Variants in ZCCHC14 observed in about 807,000 individuals in gnomAD.
ZCCHC14 encodes zinc finger CCHC domain-containing protein 14.
In ZCCHC14, 16 loss-of-function variants were observed where a neutral mutation model predicts 85.0. That is an observed-to-expected ratio of 0.19 (90% confidence interval 0.13 to 0.29). The LOEUF (loss-of-function observed/expected upper bound fraction) is 0.29. Among genes scored for constraint, ZCCHC14 ranks in the 10% least tolerant of loss-of-function variants. ZCCHC14 has a pLI of 1.00. For missense variants in ZCCHC14, 1,303 were observed against 1,443.5 expected (o/e 0.90, Z 1.58); for synonymous variants, 775 against 630.7 (o/e 1.23, Z -3.43).
rs368385103 is a variant in ZCCHC14, at chr16:87,414,444, C to G, written c.1573G>C (p.Val525Leu). The G allele has an allele frequency of 1.2e-6, 2 of 1,613,466 alleles. No individual in the cohort carries two copies. Among genetic ancestry groups the G allele is most frequent in the South Asian group, 1.1e-5 (1 of 91,080 alleles). Residue 525 changes from valine to leucine, a missense_variant, in exon 10 of 13, where the codon GTG becomes CTG. By Grantham distance (32) the Val-to-Leu change is conservative. Transcript: ENST00000671377. ...GCATGGCTGCCCCGCCCCGACTGCA[C>G]GGGCCCGACGTGGCTGGTGGGGGGC... ...RVPPTSHVGPVQSGRGSHAAE... is the reference protein window; with the variant it reads ...RVPPTSHVGPLQSGRGSHAAE...
chr16:87,430,420 T>A (rs1399942854), intron 3 of ZCCHC14, among the ~76,000 whole-genome samples: 1 of 152,212 alleles, frequency 6.6e-6, no homozygotes, highest in East Asian at 1.9e-4. Flanking sequence ...GATCCTGCTG[T>A]TCGAGAAGGC....
intron 2 of ZCCHC14, 47 bp downstream of exon 2, chr16:87,459,961 A>G (rs1911174189): frequency 6.2e-7 from 1 of 1,612,894 alleles, no homozygotes; most frequent in Admixed American, 1.7e-5. Context: ...GGGTGTGCCC[A>G]TCCTCCGTCC....
At chr16:87,487,116 C>T (rs1474460353) in intron 1 of ZCCHC14, among the ~76,000 whole-genome samples, 1 of 152,190 alleles carries the variant, frequency 6.6e-6, no homozygotes, top group African/African-American at 2.4e-5. Flanking sequence ...TTTGGACAGA[C>T]ATTTTCAGCA....
rs763627366 is a variant in ZCCHC14 at position 87,411,781 on chromosome 16, G to A, written c.2940C>T (p.Gly980=). ...CGTGCACGACGGGGAAGGTGGAGCCGCCGCCGTACTGCTGGGCGCTGACGT... is the reference window on the plus strand; with the variant it reads ...CGTGCACGACGGGGAAGGTGGAGCCACCGCCGTACTGCTGGGCGCTGACGT... The part of the protein sequence containing the change: ...SGYVSAQQYG[G]GSTFPVVHAP... The change falls in exon 12 of 13, where the codon GGC becomes GGT. Residue 980 remains glycine, a synonymous_variant. Transcript: ENST00000671377. 140 of 1,610,616 alleles carry A rather than the reference G, an allele frequency of 8.7e-5. No individual in the cohort carries two copies. Among genetic ancestry groups the A allele is most frequent in the Non-Finnish European group, 1.1e-4 (133 of 1,178,544 alleles).
At position 87,412,794 on chromosome 16, in the gene ZCCHC14, G is replaced by A. The variant is rs150036551; in HGVS notation, c.1927C>T (p.Pro643Ser). 4.6e-4 allele frequency: 742 copies of A among 1,613,210 alleles called. No homozygotes were observed. Among genetic ancestry groups the A allele is most frequent in the Non-Finnish European group, 6.1e-4 (717 of 1,179,530 alleles). ...TGCACGGAATTCAGCATGCGGATGGGTGTGATGTGTGAGGCTGCGCTCAGC... is the reference window on the plus strand; with the variant it reads ...TGCACGGAATTCAGCATGCGGATGGATGTGATGTGTGAGGCTGCGCTCAGC... ...QMLSAASHIT[P>S]IRMLNSVHKP... Residue 643 changes from proline (P) to serine (S), a missense_variant, in exon 12 of 13, where the codon CCC becomes TCC. Physicochemically the swap from Pro to Ser is moderately conservative, Grantham distance 74. Around this residue, in one of 7 missense-constraint regions of ZCCHC14, gnomAD observed 797 missense variants for 730.8 expected, o/e 1.09. Coordinates refer to ENST00000671377, the MANE Select transcript of ZCCHC14 (RefSeq NM_015144.3).
At chr16:87,481,089 T>C (rs984529542) in intron 1 of ZCCHC14, among the ~76,000 whole-genome samples, 1 of 152,044 alleles carries the variant, frequency 6.6e-6, no homozygotes, top group African/African-American at 2.4e-5. Flanking sequence ...AGGGGGCCAG[T>C]GACACCAGAG....
Position 87,492,794 on chromosome 16 carries a change from G to T in ZCCHC14, c.-556C>A, listed in dbSNP as rs1008068986. The T allele has an allele frequency of 6.1e-5, 9 of 147,472 alleles. No homozygotes were observed. Among genetic ancestry groups the T allele is most frequent in the South Asian group, 1.9e-4 (1 of 5,132 alleles). The allele number at this position is 147,472 out of a possible 1,614,324, so 9.1% of individuals were successfully genotyped here. ...CCGCCTGGGGAGCGCTGGGGGCCGC[G>T]GCCGCGAAACGGACGCTGGAGGGGG... On this transcript the variant is annotated 5_prime_UTR_variant, in exon 1 of 13. Coordinates refer to ENST00000671377, the MANE Select transcript of ZCCHC14 (RefSeq NM_015144.3). This position sits in a 1 kb window ranked among gnomAD's most constrained non-coding sequence, Gnocchi z 6.7.
chr16:87,466,220 C>T (rs1161358231), intron 1 of ZCCHC14, among the ~76,000 whole-genome samples: 1 of 152,194 alleles, frequency 6.6e-6, no homozygotes, highest in Non-Finnish European at 1.5e-5. Context: ...GTGCTTACAA[C>T]CCACTTTAAT....
intron 12 of ZCCHC14, among the ~76,000 whole-genome samples, chr16:87,410,636 T>G (rs1486548601): frequency 6.6e-6 from 1 of 152,236 alleles, no homozygotes; most frequent in Non-Finnish European, 1.5e-5. Flanking sequence ...ATGCGTCCTT[T>G]CACTGGGTGA....
At chr16:87,465,896 G>A (rs1911497014) in intron 1 of ZCCHC14, among the ~76,000 whole-genome samples, 2 of 152,118 alleles carry the variant, frequency 1.3e-5, no homozygotes. Flanking sequence ...AAACTCCTGG[G>A]CTCAAGCCAT....
intron 1 of ZCCHC14, among the ~76,000 whole-genome samples, chr16:87,462,417 C>T (rs2150761156): frequency 6.6e-6 from 1 of 152,286 alleles, no homozygotes; most frequent in Non-Finnish European, 1.5e-5. Flanking sequence ...TGCAAGACAA[C>T]TCAGGAGGTT....
chr16:87,425,411 T>A (rs1909318292), intron 3 of ZCCHC14, among the ~76,000 whole-genome samples: 1 of 151,960 alleles, frequency 6.6e-6, no homozygotes, highest in African/African-American at 2.4e-5. Flanking sequence ...ACCCCGTCTC[T>A]ACTAAAAATA....
chr16:87,475,672 T>A (rs1487510417), intron 1 of ZCCHC14, among the ~76,000 whole-genome samples: 1 of 150,802 alleles, frequency 6.6e-6, no homozygotes, highest in Admixed American at 6.6e-5. Context: ...ACTCAGTGAA[T>A]CTGAAGATGG....
intron 3 of ZCCHC14, among the ~76,000 whole-genome samples, chr16:87,432,835 G>A (rs372326949): frequency 6.6e-6 from 1 of 152,192 alleles, no homozygotes; most frequent in South Asian, 2.1e-4. Flanking sequence ...CTGCTCCGCA[G>A]GCTGCCTCAT....
At chr16:87,433,086 C>T (rs1258915451) in intron 3 of ZCCHC14, 42 bp downstream of exon 3, 19 of 1,596,276 alleles carry the variant, frequency 1.2e-5, no homozygotes, top group Non-Finnish European at 1.5e-5. Flanking sequence ...TGTTTTCTTC[C>T]TAGCCTTCCA....
intron 8 of ZCCHC14, among the ~76,000 whole-genome samples, chr16:87,417,052 G>A (rs1479609742): frequency 1.3e-5 from 2 of 152,090 alleles, no homozygotes; most frequent in Middle Eastern, 3.2e-3. Flanking sequence ...CTCTAGGTAC[G>A]ACTGCTTGGA....
At chr16:87,473,764 G>A (rs185311637) in intron 1 of ZCCHC14, 27 of 152,024 alleles carry the variant, frequency 1.8e-4, no homozygotes, top group Admixed American at 1.4e-3. Context: ...GTATAGGTTC[G>A]GTTTCAGAAC....
At chr16:87,421,934 A>G (rs1429384759) in intron 4 of ZCCHC14, among the ~76,000 whole-genome samples, 2 of 152,214 alleles carry the variant, frequency 1.3e-5, no homozygotes, top group Non-Finnish European at 2.9e-5. Flanking sequence ...ACATACCAAA[A>G]AAAAAAGGAA....
intron 3 of ZCCHC14, among the ~76,000 whole-genome samples, chr16:87,424,399 GA>G (rs1190222628): frequency 6.6e-6 from 1 of 152,168 alleles, no homozygotes; most frequent in Non-Finnish European, 1.5e-5. Context: ...ATAGCAACAG[GA>G]CAGGGCAGTG....
Sources: allele counts gnomAD v4.1 joint callset (sites outside exome capture counted in the v4.1 genomes callset), GRCh38; gene constraint gnomAD v4.1.1; regional missense constraint gnomAD v4.1.1; non-coding constraint Gnocchi (gnomAD v3.1); transcripts MANE v1.5; gene names NCBI Gene and HGNC (gene_info 2026-07-23, HGNC 2026-07-21).